IL1RAPL1: variants seen among roughly 807,000 people sequenced by gnomAD.
IL1RAPL1 encodes the protein interleukin-1 receptor accessory protein-like 1.
IL1RAPL1 carries 3 observed loss-of-function variants against 48.4 expected under a neutral mutation model. The ratio of observed to expected loss-of-function variants is 0.06; its 90% CI spans 0.03 to 0.16. The LOEUF (loss-of-function observed/expected upper bound fraction) is 0.16. IL1RAPL1 is among the 10% of genes least tolerant of loss of function. The probability of loss-of-function intolerance (pLI) is 1.00; values close to 1 mark genes in which losing one functional copy is unlikely to be tolerated. For synonymous variants in IL1RAPL1, 185 were observed against 187.7 expected, an observed-to-expected ratio of 0.99 and a Z score of 0.12; for missense variants, 349 against 530.6, an observed-to-expected ratio of 0.66 and a Z score of 3.36.
At chrX:29,704,015 T>C (rs1255983118) in intron 6 of IL1RAPL1, among the ~76,000 whole-genome samples, 1 of 111,543 alleles carries the variant, frequency 9.0e-6, no homozygotes, top group Admixed American at 9.6e-5. Flanking sequence ...TTCAAACTCC[T>C]AGGCTCAAGC....
At chrX:29,009,908 G>C (rs917021602) in intron 2 of IL1RAPL1, among the ~76,000 whole-genome samples, 1 of 111,670 alleles carries the variant, frequency 9.0e-6, no homozygotes, top group East Asian at 2.8e-4. Flanking sequence ...TTTTCCATTT[G>C]TTTGTATCAT....
intron 2 of IL1RAPL1, among the ~76,000 whole-genome samples, chrX:29,069,330 T>C (rs1249147830): frequency 9.0e-6 from 1 of 111,670 alleles, no homozygotes; most frequent in Non-Finnish European, 1.9e-5. Context: ...ATTTTTCTGC[T>C]CTAACAATGA....
intron 2 of IL1RAPL1, among the ~76,000 whole-genome samples, chrX:29,140,741 G>A (rs1002980238): frequency 9.0e-6 from 1 of 111,726 alleles, no homozygotes; most frequent in Non-Finnish European, 1.9e-5. Context: ...TGTGTGGTGA[G>A]GGCTCGTTCT....
chrX:28,915,284 G>A (rs892703730), intron 2 of IL1RAPL1, among the ~76,000 whole-genome samples: 1 of 111,317 alleles, frequency 9.0e-6, no homozygotes. Context: ...CCAGTCCACA[G>A]CCTGGGGGTC....
At chrX:29,500,891 C>T (rs1437261187) in intron 5 of IL1RAPL1, among the ~76,000 whole-genome samples, 1 of 110,967 alleles carries the variant, frequency 9.0e-6, no homozygotes, top group African/African-American at 3.3e-5. Context: ...TGAGAACCCT[C>T]CATACAGTTT....
At chrX:29,348,351 A>G (rs1008564516) in intron 3 of IL1RAPL1, among the ~76,000 whole-genome samples, 5 of 112,179 alleles carry the variant, frequency 4.5e-5, no homozygotes, top group African/African-American at 1.3e-4. Flanking sequence ...AAAATAAAAC[A>G]GCTTGGCAGA....
intron 5 of IL1RAPL1, among the ~76,000 whole-genome samples, chrX:29,453,105 A>G (rs898479258): frequency 2.8e-5 from 3 of 108,161 alleles, no homozygotes; most frequent in African/African-American, 1.0e-4. Context: ...TTGTATTTTT[A>G]GTAGAGACAG....
intron 2 of IL1RAPL1, among the ~76,000 whole-genome samples, chrX:29,065,342 A>G (rs1927431858): frequency 9.0e-6 from 1 of 111,512 alleles, no homozygotes; most frequent in African/African-American, 3.3e-5. Context: ...TGAGTATGCT[A>G]TCCCACTGTG....
At chrX:29,558,228 G>T (rs1330311097) in intron 5 of IL1RAPL1, among the ~76,000 whole-genome samples, 1 of 111,610 alleles carries the variant, frequency 9.0e-6, no homozygotes, top group East Asian at 2.8e-4. Flanking sequence ...AATAGCCATT[G>T]TAACAGTTGT....
chrX:29,705,373 C>A (rs1431546803), intron 6 of IL1RAPL1, among the ~76,000 whole-genome samples: 1 of 111,348 alleles, frequency 9.0e-6, no homozygotes, highest in Non-Finnish European at 1.9e-5. Context: ...CACCACCACA[C>A]CCAACTAATT....
rs776783346 is a variant in IL1RAPL1, at chrX:29,122,939, A to G, written c.83-159999A>G. Among the ~76,000 whole-genome samples the G allele has an allele frequency of 1.6e-3, 183 of 111,769 alleles. 2 individuals carry two copies. Among genetic ancestry groups the G allele is most frequent in the Non-Finnish European group, 2.4e-3 (130 of 53,222 alleles). Reference sequence around the variant, plus strand: ...AAAATAGAAGAATAGGCAATCTTGGATATGTGTAGTTTCACATTTCATGTT... The same window carrying G: ...AAAATAGAAGAATAGGCAATCTTGGGTATGTGTAGTTTCACATTTCATGTT... On this transcript the variant is annotated intron_variant, in intron 2 of 10. Coordinates refer to ENST00000378993, the MANE Select transcript of IL1RAPL1 (RefSeq NM_014271.4).
chrX:28,900,566 C>T (rs777557150), intron 2 of IL1RAPL1, among the ~76,000 whole-genome samples: 1 of 111,809 alleles, frequency 8.9e-6, no homozygotes, highest in Admixed American at 9.5e-5. Flanking sequence ...ATCATGTTTA[C>T]ATAGAATAAC....
chrX:29,873,226 T>A (rs1409251170), intron 6 of IL1RAPL1, among the ~76,000 whole-genome samples: 1 of 110,476 alleles, frequency 9.1e-6, no homozygotes, highest in Non-Finnish European at 1.9e-5. Context: ...AAAAAAAAAA[T>A]GTAACATGTA....
intron 5 of IL1RAPL1, among the ~76,000 whole-genome samples, chrX:29,655,433 T>G (rs1265840783): frequency 9.1e-6 from 1 of 110,481 alleles, no homozygotes; most frequent in African/African-American, 3.3e-5. Context: ...GAGGCCGAGG[T>G]GGGTGGATCA....
At chrX:29,588,493 G>GTT (rs1013077430) in intron 5 of IL1RAPL1, among the ~76,000 whole-genome samples, 1 of 112,265 alleles carries the variant, frequency 8.9e-6, no homozygotes, top group African/African-American at 3.2e-5. Context: ...GAGAGATTAA[G>GTT]TTGTTTTGCA....
chrX:28,874,575 G>T (rs907149916), intron 2 of IL1RAPL1, among the ~76,000 whole-genome samples: 14 of 112,094 alleles, frequency 1.2e-4, no homozygotes, highest in Admixed American at 1.0e-3. Context: ...GTGACTATGT[G>T]AGAACCATAT....
chrX:29,813,119 G>A (rs1387058652), intron 6 of IL1RAPL1, among the ~76,000 whole-genome samples: 1 of 111,419 alleles, frequency 9.0e-6, no homozygotes, highest in African/African-American at 3.3e-5. Flanking sequence ...TCAAGAATTG[G>A]ATAATCTGAG....
intron 2 of IL1RAPL1, among the ~76,000 whole-genome samples, chrX:29,020,715 G>T (rs1327987566): frequency 9.0e-6 from 1 of 111,493 alleles, no homozygotes; most frequent in Non-Finnish European, 1.9e-5. Context: ...AAGAAATGTG[G>T]ATAAAGGAGA....
chrX:29,845,933 CACTT>C (rs1007700975), intron 6 of IL1RAPL1, among the ~76,000 whole-genome samples: 2 of 110,389 alleles, frequency 1.8e-5, no homozygotes, highest in African/African-American at 6.6e-5. Context: ...TTTGAGAACT[CACTT>C]AGTATCATGA....
Sources: allele counts gnomAD v4.1 joint callset (sites outside exome capture counted in the v4.1 genomes callset), GRCh38; gene constraint gnomAD v4.1.1; transcripts MANE v1.5; gene names NCBI Gene and HGNC (gene_info 2026-07-23, HGNC 2026-07-21).